Variants in RXRG observed in about 807,000 individuals in gnomAD.
RXRG encodes retinoic acid receptor RXR-gamma.
RXRG carries 19 observed loss-of-function variants against 49.2 expected under a neutral mutation model. The observed-to-expected ratio is 0.39, with a 90% CI of 0.27 to 0.57. RXRG has a LOEUF of 0.57. RXRG is among the 20% of genes least tolerant of loss of function. The pLI is 0.64. For synonymous variants in RXRG, 224 were observed against 216.6 expected (o/e 1.03, Z -0.30); for missense variants, 452 against 592.5 (o/e 0.76, Z 2.46).
In RXRG at chr1:165,401,230, C is replaced by G. The variant is rs768359910; in HGVS notation, c.*33G>C. On this transcript the variant is annotated 3_prime_UTR_variant, in exon 10 of 10. Coordinates refer to ENST00000359842, the MANE Select transcript of RXRG (RefSeq NM_006917.5). ...GGTCCACACACACCTGCCCAGGGGT[C>G]ATCCTGGGTGGGGAGGCTGTGGCTG... 3.1e-6 allele frequency: 5 copies of G among 1,609,412 alleles called. No homozygotes were observed. In the East Asian group the frequency reaches 1.1e-4, roughly 36 times the overall value.
chr1:165,406,740 C>A, intron 9 of RXRG, 72 bp downstream of exon 9: 2 of 1,107,370 alleles, frequency 1.8e-6, no homozygotes, highest in Non-Finnish European at 1.4e-6. Context: ...GCCTGCTGCA[C>A]TTTAGGGGCT....
chr1:165,444,747 T>C (rs1165118079), intron 1 of RXRG, 98 bp downstream of exon 1: 5 of 1,062,804 alleles, frequency 4.7e-6, no homozygotes. Context: ...ATATATGTTC[T>C]CCTTTTAATT....
intron 7 of RXRG, 139 bp downstream of exon 7, chr1:165,409,419 C>T (rs1571266141): frequency 1.0e-5 from 11 of 1,055,070 alleles, no homozygotes; most frequent in Non-Finnish European, 1.3e-5. Flanking sequence ...ACTGTTTGGG[C>T]TGCCCATCCT....
At chr1:165,405,906 T>C (rs1657729150) in intron 9 of RXRG, among the ~76,000 whole-genome samples, 1 of 152,206 alleles carries the variant, frequency 6.6e-6, no homozygotes, top group Non-Finnish European at 1.5e-5. Flanking sequence ...GGTTGGCTTA[T>C]GATTCAGGAT....
chr1:165,410,874 T>C, intron 5 of RXRG, 43 bp from the exon 6 acceptor site: 1 of 1,613,662 alleles, frequency 6.2e-7, no homozygotes, highest in Non-Finnish European at 8.5e-7. Context: ...GTCCCAGGAC[T>C]CAAATACACC....
intron 1 of RXRG, among the ~76,000 whole-genome samples, chr1:165,433,216 C>T (rs956335173): frequency 2.6e-5 from 4 of 152,162 alleles, no homozygotes; most frequent in African/African-American, 9.7e-5. Flanking sequence ...TCACCAGACA[C>T]GAACCCGCTC....
At chr1:165,424,501 T>C (rs750131287) in intron 2 of RXRG, among the ~76,000 whole-genome samples, 2 of 152,232 alleles carry the variant, frequency 1.3e-5, no homozygotes, top group Non-Finnish European at 2.9e-5. Context: ...TCAGGGCAAG[T>C]ATTTGTAACC....
chr1:165,442,384 C>G (rs980787845), intron 1 of RXRG, among the ~76,000 whole-genome samples: 1 of 152,238 alleles, frequency 6.6e-6, no homozygotes, highest in African/African-American at 2.4e-5. Context: ...AATTCTTCTC[C>G]TCCCTCAAGA....
At chr1:165,413,314 CGT>C (rs1658013781) in intron 4 of RXRG, among the ~76,000 whole-genome samples, 2 of 152,170 alleles carry the variant, frequency 1.3e-5, no homozygotes, top group African/African-American at 2.4e-5. Flanking sequence ...TCATCCAACA[CGT>C]GTTTATTTCG....
chr1:165,418,399 T>C (rs1180254953), intron 3 of RXRG, among the ~76,000 whole-genome samples: 3 of 152,162 alleles, frequency 2.0e-5, no homozygotes, highest in Non-Finnish European at 1.5e-5. Flanking sequence ...ATTCAAAACA[T>C]ATTTGTGTCT....
chr1:165,428,557 A>G (rs1172834342), intron 2 of RXRG, among the ~76,000 whole-genome samples, 162 bp downstream of exon 2: 1 of 152,222 alleles, frequency 6.6e-6, no homozygotes, highest in African/African-American at 2.4e-5. Context: ...GCCTGAGGAC[A>G]CATGCAATGA....
intron 1 of RXRG, among the ~76,000 whole-genome samples, chr1:165,437,498 C>T (rs899428857): frequency 2.0e-5 from 3 of 152,144 alleles, no homozygotes; most frequent in African/African-American, 4.8e-5. Context: ...GAATATAGTT[C>T]GCTGTATTTT....
At chr1:165,439,170 G>A (rs1658905313) in intron 1 of RXRG, among the ~76,000 whole-genome samples, 1 of 150,250 alleles carries the variant, frequency 6.7e-6, no homozygotes, top group South Asian at 2.1e-4. Flanking sequence ...GTGAGGTTTT[G>A]CTATAATTAT....
At chr1:165,403,192 C>A (rs1657641891) in intron 9 of RXRG, among the ~76,000 whole-genome samples, 1 of 152,218 alleles carries the variant, frequency 6.6e-6, no homozygotes, top group African/African-American at 2.4e-5. Flanking sequence ...TGACATTTTT[C>A]ACTCTGTCTG....
chr1:165,431,114 A>G (rs541343010), intron 1 of RXRG, among the ~76,000 whole-genome samples: 1 of 152,364 alleles, frequency 6.6e-6, no homozygotes, highest in Non-Finnish European at 1.5e-5. Context: ...CATCTCTATC[A>G]GATTACCTGG....
At chr1:165,405,723 A>C (rs1007021943) in intron 9 of RXRG, among the ~76,000 whole-genome samples, 3 of 152,234 alleles carry the variant, frequency 2.0e-5, no homozygotes, top group Non-Finnish European at 4.4e-5. Flanking sequence ...GTGAGCAAGG[A>C]ATAGATGTTT....
chr1:165,416,353 G>A (rs1201825222), intron 4 of RXRG, among the ~76,000 whole-genome samples: 1 of 152,084 alleles, frequency 6.6e-6, no homozygotes, highest in African/African-American at 2.4e-5. Context: ...AGCACCTTCT[G>A]AGGTTTTTTT....
At position 165,426,073 on chromosome 1, in the gene RXRG, G is replaced by T. The variant is rs564019021; in HGVS notation, c.297+2646C>A. ...AGTCACTTGGGCTCCCCAAGTCTTG[G>T]TACTTCATTTGTGACATAAAGGGTT... On this transcript the variant is annotated intron_variant, in intron 2 of 9. Coordinates refer to ENST00000359842, the MANE Select transcript of RXRG (RefSeq NM_006917.5). 1.3e-3 allele frequency among the ~76,000 whole-genome samples: 197 copies of T among 152,342 alleles called. 1 individual carries two copies. The highest frequency in any genetic ancestry group is 4.6e-3 in the African/African-American group (192 of 41,592).
intron 1 of RXRG, among the ~76,000 whole-genome samples, chr1:165,435,505 C>T (rs986492366): frequency 1.3e-5 from 2 of 152,192 alleles, no homozygotes; most frequent in Non-Finnish European, 2.9e-5. Flanking sequence ...TGAACTCCTG[C>T]ACTGCGCTTG....
Sources: allele counts gnomAD v4.1 joint callset (sites outside exome capture counted in the v4.1 genomes callset), GRCh38; gene constraint gnomAD v4.1.1; transcripts MANE v1.5; gene names NCBI Gene and HGNC (gene_info 2026-07-23, HGNC 2026-07-21).